Variants in BTBD9 observed in about 807,000 individuals in gnomAD.
BTBD9 encodes BTB domain containing 9, also known as BTB/POZ domain-containing protein 9.
BTBD9 carries 49 observed loss-of-function variants against 64.3 expected under a neutral mutation model. The observed-to-expected ratio is 0.76, with a 90% confidence interval of 0.61 to 0.97. The LOEUF (loss-of-function observed/expected upper bound fraction) is 0.97, where lower values mean the gene tolerates loss of function less well. Ranked by LOEUF, BTBD9 falls within the 50% of genes least tolerant of loss-of-function variation. BTBD9 has a pLI of 0.00. For synonymous variants in BTBD9, 260 were observed against 274.7 expected (o/e 0.95, Z 0.53); for missense variants, 598 against 762.1 (o/e 0.78, Z 2.53).
At chr6:38,416,142 T>A (rs527738476) in intron 6 of BTBD9, among the ~76,000 whole-genome samples, 2 of 152,058 alleles carry the variant, frequency 1.3e-5, no homozygotes, top group African/African-American at 4.8e-5. Flanking sequence ...CACTGGGAGG[T>A]GGGTAGGGTA....
At chr6:38,585,601 C>A (rs540689673) in intron 4 of BTBD9, among the ~76,000 whole-genome samples, 2 of 152,188 alleles carry the variant, frequency 1.3e-5, no homozygotes, top group Non-Finnish European at 2.9e-5. Context: ...TGAGCCACTG[C>A]ACCCAGCTCA....
intron 6 of BTBD9, among the ~76,000 whole-genome samples, chr6:38,417,283 T>C (rs756264671): frequency 4.6e-5 from 7 of 152,210 alleles, no homozygotes; most frequent in Non-Finnish European, 1.0e-4. Flanking sequence ...TAAGAAGTAA[T>C]GCTGTAGTTA....
At chr6:38,452,428 C>T (rs941738966) in intron 6 of BTBD9, among the ~76,000 whole-genome samples, 6 of 151,864 alleles carry the variant, frequency 4.0e-5, no homozygotes, top group Admixed American at 2.0e-4. Flanking sequence ...TAACAAAAAC[C>T]GTGTTTTAGT....
At chr6:38,588,192 C>A in intron 4 of BTBD9, 1 of 806,668 alleles carries the variant, frequency 1.2e-6, no homozygotes, top group Non-Finnish European at 2.2e-6. Flanking sequence ...CAAACAACCT[C>A]AGCAGTTCCA....
At chr6:38,397,315 A>T (rs1309840651) in intron 6 of BTBD9, among the ~76,000 whole-genome samples, 2 of 152,256 alleles carry the variant, frequency 1.3e-5, no homozygotes, top group African/African-American at 4.8e-5. Context: ...ACACAAGTTA[A>T]GCAAGAAAAG....
intron 6 of BTBD9, among the ~76,000 whole-genome samples, chr6:38,358,932 C>T (rs377134038): frequency 6.8e-4 from 104 of 151,846 alleles, no homozygotes; most frequent in African/African-American, 2.4e-3. Flanking sequence ...CCACCGCGCC[C>T]GGCTAATTTT....
chr6:38,364,916 G>T (rs1382485230), intron 6 of BTBD9, among the ~76,000 whole-genome samples: 1 of 152,110 alleles, frequency 6.6e-6, no homozygotes, highest in Non-Finnish European at 1.5e-5. Flanking sequence ...CATTCAGCCA[G>T]GTATTAGTTT....
At chr6:38,601,106 T>G (rs1777224689) in intron 1 of BTBD9, among the ~76,000 whole-genome samples, 1 of 152,146 alleles carries the variant, frequency 6.6e-6, no homozygotes, top group South Asian at 2.1e-4. Context: ...TTAATTAGTC[T>G]AGAATGGGGC....
chr6:38,356,560 C>T (rs557097495), intron 6 of BTBD9, among the ~76,000 whole-genome samples: 1 of 152,170 alleles, frequency 6.6e-6, no homozygotes, highest in East Asian at 1.9e-4. Flanking sequence ...CCATATGTAC[C>T]TCAATCTCTT....
intron 6 of BTBD9, among the ~76,000 whole-genome samples, chr6:38,422,773 C>T (rs1442490458): frequency 3.3e-5 from 5 of 152,082 alleles, no homozygotes; most frequent in South Asian, 2.1e-4. Flanking sequence ...TATATTTTGA[C>T]GTTCTTTATC....
chr6:38,342,688 G>C (rs1355346071), intron 7 of BTBD9, among the ~76,000 whole-genome samples: 3 of 152,126 alleles, frequency 2.0e-5, no homozygotes, highest in Non-Finnish European at 4.4e-5. Flanking sequence ...ATAAGAAAGT[G>C]TAAGAAGTAA....
chr6:38,222,916 T>C lies in BTBD9; in HGVS notation c.1563-30319A>G, dbSNP rs76782439. 1.8e-3 allele frequency among the ~76,000 whole-genome samples: 267 copies of C among 152,330 alleles called. 2 individuals are homozygous for C. The highest frequency in any genetic ancestry group is 6.0e-3 in the African/African-American group (251 of 41,578). Reference sequence around the variant, plus strand: ...GAAGGTTTTATTTTATTTATTTATTTATTTTTTAAGATGGAGTTTTGTTCT... The same window carrying C: ...GAAGGTTTTATTTTATTTATTTATTCATTTTTTAAGATGGAGTTTTGTTCT... On this transcript the variant is annotated intron_variant, in intron 9 of 10. Transcript: ENST00000481247.
Position 38,222,533 on chromosome 6 carries a change from A to G in BTBD9, c.1563-29936T>C, listed in dbSNP as rs544672931. ...CTTGGCCTCCCAAAGTGCTAGGATT[A>G]CAGGCATGAACCACTGCGCCAGACC... On this transcript the variant is annotated intron_variant, in intron 9 of 10. Coordinates refer to ENST00000481247, the MANE Select transcript of BTBD9 (RefSeq NM_001099272.2). Among the ~76,000 whole-genome samples the G allele has an allele frequency of 5.3e-5, 8 of 152,250 alleles. No homozygotes were observed. The South Asian group carries it at 1.5e-3, about 28-fold the overall frequency.
chr6:38,399,454 T>C (rs189820538), intron 6 of BTBD9, among the ~76,000 whole-genome samples: 2 of 152,314 alleles, frequency 1.3e-5, no homozygotes, highest in East Asian at 3.9e-4. Context: ...TTAAACTTTG[T>C]GTCAATAAAA....
intron 6 of BTBD9, among the ~76,000 whole-genome samples, chr6:38,500,232 T>C (rs1215423880): frequency 1.3e-5 from 1 of 74,310 alleles, no homozygotes; most frequent in South Asian, 3.9e-4. Flanking sequence ...TATTGGGGGA[T>C]GGAGGGGGGA....
At position 38,171,599 on chromosome 6, in the gene BTBD9, TGTGTGAGAGG is replaced by T. The variant is rs1291928496; in HGVS notation, c.*3376_*3385del. On this transcript the variant is annotated 3_prime_UTR_variant, in exon 11 of 11. Transcript: ENST00000481247. Reference sequence around the variant, plus strand: ...GTGTGTGTGTGTGTGTGTGTGTGTGTGTGTGAGAGGGAGAGACGGTGGGGGCGGGGGGTGG... The same window carrying T: ...GTGTGTGTGTGTGTGTGTGTGTGTGTGAGAGACGGTGGGGGCGGGGGGTGG... 3.4e-5 allele frequency: 3 copies of T among 87,812 alleles called. No homozygotes were observed. Among genetic ancestry groups the T allele is most frequent in the African/African-American group, 1.7e-4 (3 of 17,324 alleles). 5.4% of individuals were successfully genotyped at this position (87,812 alleles called of 1,614,324 possible). A position where few individuals can be genotyped will look rare whatever the true frequency, so the allele number is the denominator to read the frequency against.
chr6:38,312,835 AATGTG>A (rs1762886578), intron 7 of BTBD9, among the ~76,000 whole-genome samples: 1 of 152,142 alleles, frequency 6.6e-6, no homozygotes, highest in Non-Finnish European at 1.5e-5. Context: ...GAAGTCAGGT[AATGTG>A]ATTCTTTCAG....
In BTBD9 at chr6:38,217,253, A is replaced by C. The variant is rs527868559; in HGVS notation, c.1563-24656T>G. On this transcript the variant is annotated intron_variant, in intron 9 of 10. Coordinates refer to ENST00000481247, the MANE Select transcript of BTBD9 (RefSeq NM_001099272.2). Reference sequence around the variant, plus strand: ...AGAATCGCTTGAACCCGGGAGGCAGAGGTTGCAGTGAGCCGAGATAATGCC... The same window carrying C: ...AGAATCGCTTGAACCCGGGAGGCAGCGGTTGCAGTGAGCCGAGATAATGCC... 8.8e-4 allele frequency among the ~76,000 whole-genome samples: 122 copies of C among 138,798 alleles called. No homozygotes were observed. In the South Asian group the frequency reaches 0.012, roughly 13 times the overall value. 91.1% of individuals were successfully genotyped at this position (138,798 alleles called of 152,430 possible).
At chr6:38,436,234 C>T (rs1253639920) in intron 6 of BTBD9, among the ~76,000 whole-genome samples, 1 of 151,902 alleles carries the variant, frequency 6.6e-6, no homozygotes, top group Non-Finnish European at 1.5e-5. Context: ...CCCAAAAAGA[C>T]ACATTCCAAT....
Sources: gnomAD v4.1 joint callset for allele counts (sites outside exome capture counted in the v4.1 genomes callset) on GRCh38, gnomAD v4.1.1 for gene constraint, MANE v1.5 for transcripts, NCBI Gene and HGNC (gene_info 2026-07-23, HGNC 2026-07-21) for gene names.